Variants in COL5A2 observed in about 807,000 individuals in gnomAD.
COL5A2 encodes collagen alpha-2(V) chain.
A neutral mutation model predicts 208.2 loss-of-function variants in COL5A2; 23 were observed. That is an observed-to-expected ratio of 0.11 (90% confidence interval 0.08 to 0.16). The LOEUF is 0.16. Ranked by LOEUF, COL5A2 falls within the 10% of genes least tolerant of loss-of-function variation. The pLI is 1.00. For missense variants in COL5A2, 1,590 were observed against 1,956.4 expected, an observed-to-expected ratio of 0.81 and a Z score of 3.53; for synonymous variants, 625 against 628.5, an observed-to-expected ratio of 0.99 and a Z score of 0.08.
chr2:189,163,533 C>T (rs1263867965), intron 1 of COL5A2, among the ~76,000 whole-genome samples: 1 of 152,184 alleles, frequency 6.6e-6, no homozygotes, highest in African/African-American at 2.4e-5. Context: ...AAAAGCAGAT[C>T]AATTTACAAG....
chr2:189,248,546 T>C, the COL5A2 span, among the ~76,000 whole-genome samples: 1 of 152,310 alleles, frequency 6.6e-6, no homozygotes, highest in South Asian at 2.1e-4. Context: ...AAACACTGTA[T>C]TTCATCATCA....
At chr2:189,190,405 C>A (rs749144473) in intron 1 of COL5A2, among the ~76,000 whole-genome samples, 1 of 152,168 alleles carries the variant, frequency 6.6e-6, no homozygotes, top group Non-Finnish European at 1.5e-5. Flanking sequence ...TCTTGAAAAT[C>A]CATAAATACA....
At chr2:189,276,989 A>G in the COL5A2 span, among the ~76,000 whole-genome samples, 1 of 152,160 alleles carries the variant, frequency 6.6e-6, no homozygotes, top group East Asian at 1.9e-4. Flanking sequence ...GCCTAAATTG[A>G]TATTTGGAGT....
At chr2:189,220,856 T>A (rs1008460816) in intron 1 of COL5A2, among the ~76,000 whole-genome samples, 1 of 152,192 alleles carries the variant, frequency 6.6e-6, no homozygotes, top group Non-Finnish European at 1.5e-5. Flanking sequence ...CCTGATCATT[T>A]TTTATAGCAC....
At chr2:189,416,799 G>A in the COL5A2 span, among the ~76,000 whole-genome samples, 7 of 151,928 alleles carry the variant, frequency 4.6e-5, no homozygotes, top group Non-Finnish European at 1.0e-4. Context: ...TTTTGTTCTA[G>A]ACTATGTCTT....
At chr2:189,124,290 C>G (rs555181179) in intron 1 of COL5A2, among the ~76,000 whole-genome samples, 23 of 152,070 alleles carry the variant, frequency 1.5e-4, no homozygotes, top group African/African-American at 5.3e-4. Flanking sequence ...TGCTAATATC[C>G]GGTGAAATTC....
upstream of COL5A2, among the ~76,000 whole-genome samples, chr2:189,184,299 A>C (rs1347325596): frequency 2.0e-5 from 3 of 152,070 alleles, no homozygotes; most frequent in Non-Finnish European, 4.4e-5. Flanking sequence ...CAGAAAACAG[A>C]AAAGAAGACA....
chr2:189,275,809 G>A, the COL5A2 span, among the ~76,000 whole-genome samples: 3 of 151,952 alleles, frequency 2.0e-5, no homozygotes, highest in African/African-American at 7.3e-5. Flanking sequence ...CAATCTTCTG[G>A]AATTAATGCT....
intron 1 of COL5A2, among the ~76,000 whole-genome samples, chr2:189,137,438 A>G (rs1472212677): frequency 6.6e-6 from 1 of 152,256 alleles, no homozygotes; most frequent in African/African-American, 2.4e-5. Flanking sequence ...TGAAGAACAC[A>G]GGATTAGAGA....
chr2:189,333,312 C>T, the COL5A2 span, among the ~76,000 whole-genome samples: 1 of 152,032 alleles, frequency 6.6e-6, no homozygotes, highest in East Asian at 1.9e-4. Flanking sequence ...AAACTTCTAG[C>T]AGGACTGATC....
intron 8 of COL5A2, among the ~76,000 whole-genome samples, chr2:189,087,759 G>C (rs1055984527): frequency 1.8e-4 from 27 of 151,434 alleles, no homozygotes; most frequent in African/African-American, 6.3e-4. Context: ...GAGCCACCGT[G>C]CCTGGCCAAA....
At chr2:189,153,290 C>T (rs1051057178) in intron 1 of COL5A2, among the ~76,000 whole-genome samples, 3 of 152,150 alleles carry the variant, frequency 2.0e-5, no homozygotes, top group Admixed American at 1.3e-4. Flanking sequence ...CTTGCATGCT[C>T]TTCACATACA....
At chr2:189,122,379 G>A (rs1687521921) in intron 1 of COL5A2, among the ~76,000 whole-genome samples, 1 of 152,104 alleles carries the variant, frequency 6.6e-6, no homozygotes, top group Non-Finnish European at 1.5e-5. Flanking sequence ...TGGGAAAGAG[G>A]CAGGGAACCA....
At chr2:189,037,053 T>C (rs540677677) in intron 51 of COL5A2, among the ~76,000 whole-genome samples, 1 of 152,230 alleles carries the variant, frequency 6.6e-6, no homozygotes, top group East Asian at 1.9e-4. Context: ...GAAATATCAT[T>C]ACCCCCATTT....
chr2:189,436,416 C>G, the COL5A2 span, among the ~76,000 whole-genome samples: 1,334 of 152,054 alleles, frequency 8.8e-3, 20 homozygotes, highest in African/African-American at 0.03. Context: ...AGGAGATATA[C>G]CTAATGTAAA....
chr2:189,234,301 T>A, the COL5A2 span, among the ~76,000 whole-genome samples: 2 of 151,784 alleles, frequency 1.3e-5, no homozygotes, highest in South Asian at 4.1e-4. Context: ...TATTATTTTA[T>A]TCAAGAATTT....
rs1430271322 is a variant in COL5A2, at chr2:189,068,805, A to C, written c.1238T>G (p.Val413Gly). ...QRGETGPPGP[V>G]GSPGLPGAIG... ...ACTTACAGGAAGACCTGGAGAGCCAACTGGACCTGGGGGCCCAGTTTCACC... is the reference window on the plus strand; with the variant it reads ...ACTTACAGGAAGACCTGGAGAGCCACCTGGACCTGGGGGCCCAGTTTCACC... The change falls in exon 19 of 54, where the codon GTT becomes GGT. Residue 413 changes from valine to glycine, a missense_variant. By Grantham distance (109) the Val-to-Gly change is moderately radical. Coordinates refer to ENST00000374866, the MANE Select transcript of COL5A2 (RefSeq NM_000393.5). 1 of 1,613,110 alleles carries C rather than the reference A, an allele frequency of 6.2e-7. No individual in the cohort carries two copies. Among genetic ancestry groups the C allele is most frequent in the Non-Finnish European group, 8.5e-7 (1 of 1,179,690 alleles).
intron 1 of COL5A2, among the ~76,000 whole-genome samples, chr2:189,198,084 C>T (rs1689028800): frequency 6.6e-6 from 1 of 152,058 alleles, no homozygotes; most frequent in African/African-American, 2.4e-5. Context: ...CTCCTGACCT[C>T]GTGATCCGCC....
chr2:189,218,999 T>A (rs931054921), intron 1 of COL5A2, among the ~76,000 whole-genome samples: 4 of 152,152 alleles, frequency 2.6e-5, no homozygotes, highest in Non-Finnish European at 4.4e-5. Flanking sequence ...TAGTTCATAT[T>A]TTACTGTATC....
Sources: gnomAD v4.1 joint callset for allele counts (sites outside exome capture counted in the v4.1 genomes callset) on GRCh38, gnomAD v4.1.1 for gene constraint, MANE v1.5 for transcripts, NCBI Gene and HGNC (gene_info 2026-07-23, HGNC 2026-07-21) for gene names.